ZFHX3: variants seen among roughly 807,000 people sequenced by gnomAD.
ZFHX3 encodes zinc finger homeobox 3.
ZFHX3 carries 42 observed loss-of-function variants against 279.1 expected under a neutral mutation model. The ratio of observed to expected loss-of-function variants is 0.15; its 90% CI spans 0.12 to 0.19. The LOEUF (loss-of-function observed/expected upper bound fraction) is 0.19, where lower values mean the gene tolerates loss of function less well. Ranked by LOEUF, ZFHX3 falls within the 10% of genes least tolerant of loss-of-function variation. The probability of loss-of-function intolerance (pLI) is 1.00; values close to 1 mark genes in which losing one functional copy is unlikely to be tolerated. For synonymous variants in ZFHX3, 2,293 were observed against 1,957.8 expected (o/e 1.17, Z -4.52); for missense variants, 4,981 against 4,754.0 (o/e 1.05, Z -1.40).
chr16:73,765,437 G>A (rs1028680647), intron 1 of ZFHX3, among the ~76,000 whole-genome samples: 1 of 152,190 alleles, frequency 6.6e-6, no homozygotes, highest in African/African-American at 2.4e-5. Flanking sequence ...CCTGTGAAGA[G>A]AATATCCTGC....
At chr16:73,173,026 T>TGGGGG (rs1967576440) in intron 5 of ZFHX3, among the ~76,000 whole-genome samples, 1 of 87,008 alleles carries the variant, frequency 1.1e-5, no homozygotes, top group Admixed American at 1.5e-4. Flanking sequence ...TTTTTTTTTT[T>TGGGGG]GGGAGGGGAA....
intron 1 of ZFHX3, among the ~76,000 whole-genome samples, chr16:73,846,996 G>T (rs945264736): frequency 1.3e-5 from 2 of 151,942 alleles, no homozygotes; most frequent in African/African-American, 4.8e-5. Context: ...CTCAAAGATT[G>T]CAGGGCTTTA....
intron 3 of ZFHX3, among the ~76,000 whole-genome samples, chr16:73,427,753 G>A (rs1177084588): frequency 6.6e-6 from 1 of 151,806 alleles, no homozygotes; most frequent in Non-Finnish European, 1.5e-5. Flanking sequence ...GGCCAATATG[G>A]TGAAACCCTG....
rs188821233 is a variant in ZFHX3 at position 73,013,882 on chromosome 16, A to G, written c.-50+33870T>C. ...CTCCACAGGACCGTGCAGTAGCTGA[A>G]TAACAACCCCCGAAGACGCCCACAT... On this transcript the variant is annotated intron_variant, in intron 1 of 9. Transcript: ENST00000268489. Among the ~76,000 whole-genome samples the G allele has an allele frequency of 2.3e-3, 350 of 152,300 alleles. 2 individuals are homozygous for G. Among genetic ancestry groups the G allele is most frequent in the Middle Eastern group, 0.02 (6 of 294 alleles).
chr16:73,721,986 A>G (rs1227620963), intron 1 of ZFHX3, among the ~76,000 whole-genome samples: 15 of 152,236 alleles, frequency 9.9e-5, no homozygotes, highest in Admixed American at 3.9e-4. Flanking sequence ...TAGAGGCTGC[A>G]GTGAGCTGTG....
chr16:73,851,681 C>T (rs1961597056), intron 1 of ZFHX3, among the ~76,000 whole-genome samples: 1 of 152,132 alleles, frequency 6.6e-6, no homozygotes, highest in South Asian at 2.1e-4. Flanking sequence ...AATTTGAGAA[C>T]CTACTGAAAT....
intron 4 of ZFHX3, among the ~76,000 whole-genome samples, chr16:72,876,829 G>A (rs2038327582): frequency 6.6e-6 from 1 of 152,132 alleles, no homozygotes; most frequent in African/African-American, 2.4e-5. Context: ...ACGGCAGCCA[G>A]GTGTGGTTGA....
At chr16:72,870,733 A>AG (rs946902773) in intron 4 of ZFHX3, among the ~76,000 whole-genome samples, 12 of 151,388 alleles carry the variant, frequency 7.9e-5, no homozygotes, top group African/African-American at 1.9e-4. Flanking sequence ...AAAAAAAAAA[A>AG]AAAGAAAGAA....
chr16:73,249,885 T>C (rs937398392), intron 5 of ZFHX3, among the ~76,000 whole-genome samples: 1 of 150,086 alleles, frequency 6.7e-6, no homozygotes, highest in East Asian at 1.9e-4. Flanking sequence ...ATTAAGGAAA[T>C]GCAAATTAAA....
Position 73,445,012 on chromosome 16 carries a change from A to G in ZFHX3, c.-1291+10991T>C, listed in dbSNP as rs149572567. On this transcript the variant is annotated intron_variant, in intron 3 of 17. Coordinates refer to the ZFHX3 transcript ENST00000641206. ...TAGCCAGGTGTGGTGACAGGGGCCT[A>G]TAGTCCCAGCTACTCAGGAGGCTGA... 3.4e-3 allele frequency among the ~76,000 whole-genome samples: 512 copies of G among 150,030 alleles called. 2 individuals are homozygous for G. The highest frequency in any genetic ancestry group is 0.012 in the African/African-American group (472 of 40,826).
chr16:73,844,834 T>C (rs191117067), intron 1 of ZFHX3, among the ~76,000 whole-genome samples: 3 of 148,178 alleles, frequency 2.0e-5, no homozygotes, highest in Non-Finnish European at 4.4e-5. Flanking sequence ...GGTAGACGGA[T>C]GGATGGGATT....
chr16:73,001,661 T>A (rs1055926098), intron 1 of ZFHX3, among the ~76,000 whole-genome samples: 2 of 151,658 alleles, frequency 1.3e-5, no homozygotes, highest in Admixed American at 1.3e-4. Flanking sequence ...AAATTTTTTT[T>A]AAAAAAAGGT....
chr16:73,126,766 A>G (rs933785296), intron 7 of ZFHX3: 3 of 152,348 alleles, frequency 2.0e-5, no homozygotes, highest in Non-Finnish European at 4.4e-5. Flanking sequence ...GGATTGCAGG[A>G]CATTGTGAGA....
At chr16:73,608,004 G>T (rs2052208080) in intron 2 of ZFHX3, among the ~76,000 whole-genome samples, 1 of 152,026 alleles carries the variant, frequency 6.6e-6, no homozygotes, top group African/African-American at 2.4e-5. Context: ...AGTCCAGGAG[G>T]TTGAGGCTGC....
chr16:73,848,353 TA>T (rs1961504910), intron 1 of ZFHX3, among the ~76,000 whole-genome samples: 1 of 152,036 alleles, frequency 6.6e-6, no homozygotes, highest in Admixed American at 6.5e-5. Context: ...ACCTAGGCAA[TA>T]AGCTGTTATG....
chr16:72,883,882 CAT>C (rs2038558103), intron 4 of ZFHX3, among the ~76,000 whole-genome samples: 1 of 152,092 alleles, frequency 6.6e-6, no homozygotes, highest in Admixed American at 6.5e-5. Context: ...GTAAACAAGA[CAT>C]ACAGTAAAAA....
intron 1 of ZFHX3, among the ~76,000 whole-genome samples, chr16:73,056,832 C>T (rs1181991598): frequency 1.3e-5 from 2 of 152,186 alleles, no homozygotes; most frequent in African/African-American, 2.4e-5. Context: ...TTCGGAGGAC[C>T]TCCAAATAAG....
At chr16:73,374,092 A>G (rs1353911801) in intron 3 of ZFHX3, among the ~76,000 whole-genome samples, 1 of 152,194 alleles carries the variant, frequency 6.6e-6, no homozygotes, top group Non-Finnish European at 1.5e-5. Context: ...AGAATCACCT[A>G]TCGACGCAGA....
chr16:72,922,794 A>C (rs2039615507), intron 3 of ZFHX3, among the ~76,000 whole-genome samples: 1 of 152,186 alleles, frequency 6.6e-6, no homozygotes, highest in East Asian at 1.9e-4. Flanking sequence ...TCTAATCCTA[A>C]AAACTCTGGG....
Sources: allele counts gnomAD v4.1 joint callset (sites outside exome capture counted in the v4.1 genomes callset), GRCh38; gene constraint gnomAD v4.1.1; transcripts MANE v1.5; gene names NCBI Gene and HGNC (gene_info 2026-07-23, HGNC 2026-07-21).